Variants in CSMD2 observed in about 807,000 individuals in gnomAD.
The protein encoded by CSMD2 is CUB and sushi domain-containing protein 2.
Under a neutral mutation model 398.5 loss-of-function variants are expected in CSMD2, and 130 were observed. The observed-to-expected ratio is 0.33, with a 90% CI of 0.28 to 0.38. The LOEUF is 0.38. Among genes scored for constraint, CSMD2 ranks in the 10% least tolerant of loss-of-function variants. CSMD2 has a pLI of 1.00. For missense variants in CSMD2, 3,829 were observed against 4,764.9 expected (o/e 0.80, Z 5.78); for synonymous variants, 1,828 against 1,908.5 (o/e 0.96, Z 1.10).
rs891797230 is a variant in CSMD2, at chr1:33,833,487, T to G, written c.1034-7713A>C. ...TAAAAACTCTCAATAAATTAGGTAT[T>G]GATGGGACGTATCTCAAAATAATAA... On this transcript the variant is annotated intron_variant, in intron 6 of 70. Coordinates refer to ENST00000373381, the MANE Select transcript of CSMD2 (RefSeq NM_001281956.2). 6.0e-3 allele frequency among the ~76,000 whole-genome samples: 891 copies of G among 148,626 alleles called. 10 individuals are homozygous for G. The highest frequency in any genetic ancestry group is 0.021 in the African/African-American group (859 of 39,994).
At chr1:34,022,156 C>T (rs1481206162) in intron 3 of CSMD2, among the ~76,000 whole-genome samples, 1 of 152,190 alleles carries the variant, frequency 6.6e-6, no homozygotes, top group Non-Finnish European at 1.5e-5. Flanking sequence ...TGAGCACCTA[C>T]TATGTGTCTG....
chr1:33,572,827 G>A, intron 49 of CSMD2, 136 bp from the exon 50 acceptor site: 1 of 544,328 alleles, frequency 1.8e-6, no homozygotes, highest in Non-Finnish European at 2.9e-6. Flanking sequence ...TAATAAAAAA[G>A]AAAATGGGAG....
intron 1 of CSMD2, among the ~76,000 whole-genome samples, chr1:34,145,681 G>A (rs771025480): frequency 2.0e-5 from 3 of 152,190 alleles, no homozygotes; most frequent in Admixed American, 1.3e-4. Flanking sequence ...AACATCCCGC[G>A]CCATAACAAA....
chr1:33,708,062 G>A (rs1335163870), intron 22 of CSMD2, among the ~76,000 whole-genome samples: 1 of 152,062 alleles, frequency 6.6e-6, no homozygotes, highest in African/African-American at 2.4e-5. Flanking sequence ...AATTCTCCAC[G>A]CTCAACTCTG....
At chr1:33,941,972 C>A (rs918053415) in intron 3 of CSMD2, among the ~76,000 whole-genome samples, 2 of 152,142 alleles carry the variant, frequency 1.3e-5, no homozygotes, top group African/African-American at 4.8e-5. Context: ...ACAGTGTAAG[C>A]TCCATAAGGA....
chr1:34,083,058 T>G (rs891917011), intron 2 of CSMD2, among the ~76,000 whole-genome samples: 2 of 138,378 alleles, frequency 1.4e-5, no homozygotes, highest in African/African-American at 5.4e-5. Context: ...CACCCAAGAA[T>G]GATCAATAAA....
At chr1:34,071,910 A>G (rs185987338) in intron 2 of CSMD2, among the ~76,000 whole-genome samples, 137 of 152,344 alleles carry the variant, frequency 9.0e-4, no homozygotes, top group African/African-American at 3.0e-3. Context: ...CAATCACACA[A>G]TTTCAGAGCT....
chr1:33,839,028 A>G (rs1660585603), intron 6 of CSMD2: 2 of 152,318 alleles, frequency 1.3e-5, no homozygotes, highest in African/African-American at 2.4e-5. Context: ...CATTTACACA[A>G]TGTCTGCAAA....
chr1:33,868,776 C>T (rs986587698), intron 5 of CSMD2, among the ~76,000 whole-genome samples: 8 of 151,876 alleles, frequency 5.3e-5, no homozygotes, highest in African/African-American at 4.8e-5. Flanking sequence ...ATACATATAT[C>T]GAATCAGTTT....
chr1:33,858,085 G>A (rs1427616468), intron 5 of CSMD2, among the ~76,000 whole-genome samples: 3 of 152,142 alleles, frequency 2.0e-5, no homozygotes, highest in Non-Finnish European at 2.9e-5. Flanking sequence ...CTAGTCCATT[G>A]GGCTGGGTGC....
Position 34,089,000 on chromosome 1 carries a change from G to T in CSMD2, c.381C>A (p.Pro127=). The change falls in exon 2 of 71, where the codon CCC becomes CCA. Residue 127 remains proline (P), a synonymous_variant. Transcript: ENST00000373381. ...ACCTCGTACGCAGATTCTCTGGCTG[G>T]GGTGGACCATCAAACACCGACAGGA... ...FDVLSVFDGP[P]QPENLRTRLT... 1 of 1,613,806 alleles carries T rather than the reference G, an allele frequency of 6.2e-7. No homozygotes were observed. Among genetic ancestry groups the T allele is most frequent in the South Asian group, 1.1e-5 (1 of 91,070 alleles).
intron 57 of CSMD2, 33 bp downstream of exon 57, chr1:33,546,004 A>G (rs753867881): frequency 6.3e-7 from 1 of 1,582,754 alleles, no homozygotes; most frequent in Admixed American, 1.7e-5. Flanking sequence ...GGGGCTGGGC[A>G]AAGGGGAGAA....
chr1:33,918,206 A>C lies in CSMD2; in HGVS notation c.808T>G (p.Trp270Gly). The C allele has an allele frequency of 6.2e-7, 1 of 1,614,188 alleles. No homozygotes were observed. The highest frequency in any genetic ancestry group is 8.5e-7 in the Non-Finnish European group (1 of 1,180,034). Residue 270 changes from tryptophan to glycine, a missense_variant, in exon 5 of 71, where the codon TGG becomes GGG. By Grantham distance (184) the Trp-to-Gly change is radical. Around this residue, in one of 5 missense-constraint regions of CSMD2, gnomAD observed 2,001 missense variants for 2,567.1 expected, o/e 0.78. Coordinates refer to ENST00000373381, the MANE Select transcript of CSMD2 (RefSeq NM_001281956.2). ...SEYHNNADCTWTILAELGDTI... is the reference protein window; with the variant it reads ...SEYHNNADCTGTILAELGDTI... ...TCCCCCAGCTCAGCCAGGATGGTCC[A>C]TGTGCAGTCGGCATTGTTATGGTAC...
At chr1:34,142,492 T>C (rs1330862088) in intron 1 of CSMD2, among the ~76,000 whole-genome samples, 3 of 152,180 alleles carry the variant, frequency 2.0e-5, no homozygotes, top group Admixed American at 1.3e-4. Flanking sequence ...TCACCATCTC[T>C]GTTCAAGGCA....
chr1:33,611,200 T>C lies in CSMD2; in HGVS notation c.6184A>G (p.Ile2062Val), dbSNP rs754000207. The change falls in exon 41 of 71, where the codon ATA (isoleucine) becomes GTA (valine). Residue 2062 changes from isoleucine to valine, a missense_variant. This residue lies in a region of CSMD2 where 2,001 missense variants were observed against 2,567.1 expected (regional missense o/e 0.78). Coordinates refer to ENST00000373381, the MANE Select transcript of CSMD2 (RefSeq NM_001281956.2). ...NFSTEPNHDY[I>V]EIRNGPYETS... ...TCATAGGGGCCATTCCGGATTTCTA[T>C]GTAGTCGTGGTTGGGCTCGGTGGAG... 6 of 1,613,970 alleles carry C rather than the reference T, an allele frequency of 3.7e-6. No individual in the cohort carries two copies. In the East Asian group the frequency reaches 6.7e-5, roughly 18 times the overall value.
rs149808447 is a variant in CSMD2, at chr1:34,034,933, A to G, written c.405-2227T>C. ...AGAAAACGGTAAACAGGAGGAAAAG[A>G]GCAAAAGATACAATACAAATTAATG... On this transcript the variant is annotated intron_variant, in intron 2 of 70. Coordinates refer to ENST00000373381, the MANE Select transcript of CSMD2 (RefSeq NM_001281956.2). Among the ~76,000 whole-genome samples the G allele has an allele frequency of 3.5e-3, 536 of 152,300 alleles. 5 individuals carry two copies. The highest frequency in any genetic ancestry group is 0.012 in the African/African-American group (509 of 41,554).
intron 54 of CSMD2, among the ~76,000 whole-genome samples, chr1:33,558,376 G>A (rs1440360769): frequency 6.6e-6 from 1 of 152,176 alleles, no homozygotes; most frequent in African/African-American, 2.4e-5. Context: ...TCACTTTTAT[G>A]AGTATTTCAG....
At chr1:33,706,908 T>C (rs1000958688) in intron 22 of CSMD2, among the ~76,000 whole-genome samples, 3 of 152,114 alleles carry the variant, frequency 2.0e-5, no homozygotes, top group Admixed American at 2.0e-4. Flanking sequence ...TGTGCACGTA[T>C]GTGTGTGCAC....
chr1:33,743,565 G>C lies in CSMD2; in HGVS notation c.1888C>G (p.Leu630Val), dbSNP rs753335219. 2 of 1,611,284 alleles carry C rather than the reference G, an allele frequency of 1.2e-6. No homozygotes were observed. The highest frequency in any genetic ancestry group is 1.7e-6 in the Non-Finnish European group (2 of 1,178,054). ...FNFTSPSGVV[L>V]SPNYPEDYGN... ...TAGTCCTCTGGGTAGTTGGGAGACA[G>C]GACAACCCCAGACGGGCTGGTGAAG... The change falls in exon 14 of 71, where the codon CTG becomes GTG. Residue 630 changes from leucine to valine, a missense_variant. Leu to Val is a conservative substitution (Grantham distance 32, BLOSUM62 1). This residue lies in a region of CSMD2 where 2,001 missense variants were observed against 2,567.1 expected (regional missense o/e 0.78). Transcript: ENST00000373381.
Sources: allele counts gnomAD v4.1 joint callset (sites outside exome capture counted in the v4.1 genomes callset), GRCh38; gene constraint gnomAD v4.1.1; regional missense constraint gnomAD v4.1.1; transcripts MANE v1.5; gene names NCBI Gene and HGNC (gene_info 2026-07-23, HGNC 2026-07-21).